Variants in BBX observed in about 807,000 individuals in gnomAD.
BBX encodes the protein HMG box transcription factor BBX.
A neutral mutation model predicts 100.2 loss-of-function variants in BBX; 30 were observed. The observed-to-expected ratio is 0.30, with a 90% CI of 0.22 to 0.41. The LOEUF (loss-of-function observed/expected upper bound fraction) is 0.41, where lower values mean the gene tolerates loss of function less well. BBX is among the 10% of genes least tolerant of loss of function. The pLI, the probability that BBX is intolerant of heterozygous loss-of-function variation, is 1.00. For synonymous variants in BBX, 376 were observed against 388.1 expected (o/e 0.97, Z 0.37); for missense variants, 1,023 against 1,129.8 (o/e 0.91, Z 1.35).
chr3:107,540,710 A>C (rs1444648300), intron 2 of BBX, among the ~76,000 whole-genome samples: 2 of 152,168 alleles, frequency 1.3e-5, no homozygotes, highest in East Asian at 3.8e-4. Context: ...ACCCATCAAG[A>C]ATGTGGAGTT....
In BBX at chr3:107,773,053, A is replaced by C. The variant is rs929348495; in HGVS notation, c.1332A>C (p.Leu444Phe). 2.2e-5 allele frequency: 36 copies of C among 1,613,974 alleles called. No homozygotes were observed. The highest frequency in any genetic ancestry group is 3.0e-5 in the Non-Finnish European group (35 of 1,179,982). ...GIMIIEDPAALNKPEKLKKKK... is the reference protein window; with the variant it reads ...GIMIIEDPAAFNKPEKLKKKK... ...TGATCATTGAGGATCCCGCAGCATT[A>C]AACAAGCCAGAAAAGCTAAAAAAGA... Residue 444 changes from leucine to phenylalanine, a missense_variant, in exon 11 of 18, where the codon TTA becomes TTC. By Grantham distance (22) the Leu-to-Phe change is conservative. Coordinates refer to ENST00000325805, the MANE Select transcript of BBX (RefSeq NM_001142568.3). The surrounding 1 kb of genome is among the most constrained non-coding windows in gnomAD (Gnocchi z 4.1).
chr3:107,639,578 A>C (rs1299143462), intron 2 of BBX, among the ~76,000 whole-genome samples: 1 of 152,144 alleles, frequency 6.6e-6, no homozygotes, highest in Admixed American at 6.5e-5. Context: ...TAAATGTGCG[A>C]TATCCCATAC....
chr3:107,644,699 G>T (rs2057414602), intron 2 of BBX, among the ~76,000 whole-genome samples: 1 of 152,060 alleles, frequency 6.6e-6, no homozygotes, highest in Non-Finnish European at 1.5e-5. Context: ...CAAAGATCTG[G>T]ATTTATTCTT....
intron 2 of BBX, among the ~76,000 whole-genome samples, chr3:107,529,976 G>A (rs2048046734): frequency 6.6e-6 from 1 of 152,172 alleles, no homozygotes; most frequent in Non-Finnish European, 1.5e-5. Flanking sequence ...AAGATTAAAT[G>A]TAGACCATGA....
At chr3:107,760,782 G>A (rs1167899299) in intron 10 of BBX, among the ~76,000 whole-genome samples, 1 of 152,002 alleles carries the variant, frequency 6.6e-6, no homozygotes, top group Non-Finnish European at 1.5e-5. Context: ...GCAGTCTCTG[G>A]GTGACATCCA....
At chr3:107,723,070 T>G (rs1212732109) in intron 5 of BBX, among the ~76,000 whole-genome samples, 1 of 152,062 alleles carries the variant, frequency 6.6e-6, no homozygotes, top group Non-Finnish European at 1.5e-5. Context: ...TTTTCTAGTT[T>G]AATCTCTTTT....
At chr3:107,711,267 T>G (rs1313072687) in intron 4 of BBX, 2 of 466,702 alleles carry the variant, frequency 4.3e-6, no homozygotes, top group Non-Finnish European at 8.9e-6. Context: ...ATGTCTGTCT[T>G]CTCTCAGACC....
intron 2 of BBX, among the ~76,000 whole-genome samples, chr3:107,640,613 T>C (rs1306240276): frequency 6.6e-6 from 1 of 151,820 alleles, no homozygotes; most frequent in Non-Finnish European, 1.5e-5. Flanking sequence ...ATCACCCAAC[T>C]AGATCTCATC....
intron 2 of BBX, among the ~76,000 whole-genome samples, chr3:107,564,635 G>GT (rs2050747284): frequency 6.6e-6 from 1 of 152,066 alleles, no homozygotes; most frequent in Non-Finnish European, 1.5e-5. Context: ...TCTAGTGGGC[G>GT]TTTTCTCTTA....
chr3:107,720,892 T>C (rs956945738), intron 5 of BBX, among the ~76,000 whole-genome samples: 1 of 152,088 alleles, frequency 6.6e-6, no homozygotes, highest in African/African-American at 2.4e-5. Flanking sequence ...AGATATGGAC[T>C]CTTTTCCAAA....
At chr3:107,665,486 C>T (rs1051246012) in intron 3 of BBX, among the ~76,000 whole-genome samples, 3 of 152,038 alleles carry the variant, frequency 2.0e-5, no homozygotes, top group African/African-American at 7.3e-5. Context: ...GAGTCTGAAT[C>T]TATCTACCTT....
At chr3:107,659,581 A>G (rs991017651) in intron 3 of BBX, 8 of 338,532 alleles carry the variant, frequency 2.4e-5, no homozygotes, top group African/African-American at 1.6e-4. Flanking sequence ...GGGAAACTGA[A>G]GAACAGAGAG....
chr3:107,791,335 G>A (rs747980925), intron 15 of BBX, 36 bp downstream of exon 15: 11 of 1,568,902 alleles, frequency 7.0e-6, no homozygotes, highest in Non-Finnish European at 8.8e-6. Context: ...TGAGACAATC[G>A]GAGCTGGAAA....
At chr3:107,538,322 G>A (rs971252139) in intron 2 of BBX, among the ~76,000 whole-genome samples, 1 of 152,146 alleles carries the variant, frequency 6.6e-6, no homozygotes, top group Non-Finnish European at 1.5e-5. Flanking sequence ...AGAATTATAC[G>A]TTTGAGGACC....
intron 2 of BBX, among the ~76,000 whole-genome samples, chr3:107,548,407 A>G (rs1047670505): frequency 6.6e-6 from 1 of 152,148 alleles, no homozygotes; most frequent in African/African-American, 2.4e-5. Context: ...TGGTCTGATA[A>G]TTTATGAATG....
intron 1 of BBX, 56 bp from the exon 2 acceptor site, chr3:107,526,271 G>C (rs1029754243): frequency 4.0e-5 from 16 of 398,564 alleles, no homozygotes; most frequent in African/African-American, 3.3e-4. Context: ...ACTTGGGACT[G>C]TACTATTGTA....
At chr3:107,588,042 A>AT (rs1035251401) in intron 2 of BBX, among the ~76,000 whole-genome samples, 4 of 152,160 alleles carry the variant, frequency 2.6e-5, no homozygotes, top group African/African-American at 7.2e-5. Context: ...TTATCTTTGT[A>AT]TTTTTTTACC....
intron 3 of BBX, among the ~76,000 whole-genome samples, chr3:107,669,218 T>G (rs550106929): frequency 6.6e-6 from 1 of 152,286 alleles, no homozygotes; most frequent in Admixed American, 6.5e-5. Flanking sequence ...CAAGGCAGTT[T>G]ATGGCTCATG....
intron 12 of BBX, among the ~76,000 whole-genome samples, chr3:107,777,468 C>T (rs1191785772): frequency 6.6e-6 from 1 of 152,158 alleles, no homozygotes; most frequent in African/African-American, 2.4e-5. Context: ...CTCCTCTTCC[C>T]AATACACCTT....
Sources: allele counts gnomAD v4.1 joint callset (sites outside exome capture counted in the v4.1 genomes callset), GRCh38; gene constraint gnomAD v4.1.1; non-coding constraint Gnocchi (gnomAD v3.1); transcripts MANE v1.5; gene names NCBI Gene and HGNC (gene_info 2026-07-23, HGNC 2026-07-21).